Variants in SERPINB8 observed in about 807,000 individuals in gnomAD.
SERPINB8 encodes the protein serpin B8.
A neutral mutation model predicts 35.3 loss-of-function variants in SERPINB8; 25 were observed. The ratio of observed to expected loss-of-function variants is 0.71; its 90% confidence interval spans 0.52 to 0.99. The LOEUF (loss-of-function observed/expected upper bound fraction) is 0.99. Ranked by LOEUF, SERPINB8 falls within the 50% of genes least tolerant of loss-of-function variation. The probability of loss-of-function intolerance (pLI) is 0.00; values close to 1 mark genes in which losing one functional copy is unlikely to be tolerated. For missense variants in SERPINB8, 484 were observed against 446.5 expected (o/e 1.08, Z -0.76); for synonymous variants, 186 against 160.8 (o/e 1.16, Z -1.19).
chr18:64,004,177 G>A (rs1568284982), intron 1 of SERPINB8, among the ~76,000 whole-genome samples: 1 of 152,032 alleles, frequency 6.6e-6, no homozygotes, highest in East Asian at 1.9e-4. Flanking sequence ...AGACAATAGT[G>A]GTAATTTTAA....
chr18:64,004,315 T>C (rs986963731), intron 1 of SERPINB8, among the ~76,000 whole-genome samples: 11 of 151,876 alleles, frequency 7.2e-5, no homozygotes, highest in Admixed American at 3.9e-4. Flanking sequence ...ACAGGCTTGC[T>C]GAAAAGAAAA....
Position 63,979,592 on chromosome 18 carries a change from A to G in SERPINB8, c.169-209A>G, listed in dbSNP as rs140803017. ...AAGCCAGAAGTGCTGCAAAAATCCT[A>G]CAATGCTTATATGAGACAAGGAAGT... is the stretch of plus-strand genomic sequence containing the variant. On this transcript the variant is annotated intron_variant, in intron 2 of 6. Coordinates refer to ENST00000397985, the MANE Select transcript of SERPINB8 (RefSeq NM_002640.4). Among the ~76,000 whole-genome samples the G allele has an allele frequency of 3.8e-3, 574 of 152,302 alleles. 2 individuals are homozygous for G. Among genetic ancestry groups the G allele is most frequent in the South Asian group, 0.018 (87 of 4,828 alleles).
chr18:63,987,603 A>G lies in SERPINB8; in HGVS notation c.*325A>G. 1 of 163,506 alleles carries G rather than the reference A, an allele frequency of 6.1e-6. No individual in the cohort carries two copies. The highest frequency in any genetic ancestry group is 4.3e-5 in the African/African-American group (1 of 23,450). The allele number at this position is 163,506 out of a possible 1,614,324, so 10.1% of individuals were successfully genotyped here. A position where few individuals can be genotyped will look rare whatever the true frequency, so the allele number is the denominator to read the frequency against. The stretch of plus-strand genomic sequence containing the variant: ...GGGCTTCAGGAGCCAGCCCTCTTCC[A>G]TCCGCCCGGCTCTGCCCACCACCAC... On this transcript the variant is annotated 3_prime_UTR_variant, in exon 7 of 7. Transcript: ENST00000397985.
chr18:64,013,126 T>C (rs191991372), intron 7 of SERPINB8, among the ~76,000 whole-genome samples: 1 of 152,280 alleles, frequency 6.6e-6, no homozygotes, highest in Non-Finnish European at 1.5e-5. Context: ...GGTTGCCGAT[T>C]ACTCTGCCAA....
intron 1 of SERPINB8, among the ~76,000 whole-genome samples, chr18:63,976,843 C>T (rs566506415): frequency 3.7e-4 from 56 of 152,172 alleles, no homozygotes; most frequent in African/African-American, 1.1e-3. Context: ...TTTGCAACTC[C>T]GTAACCCAGT....
intron 2 of SERPINB8, among the ~76,000 whole-genome samples, 168 bp from the exon 3 acceptor site, chr18:63,979,633 G>A (rs1478166138): frequency 3.3e-5 from 5 of 152,230 alleles, no homozygotes; most frequent in Admixed American, 3.3e-4. Flanking sequence ...GGCCCCAAAT[G>A]TCAATGCTGC....
rs1441249734 is a variant in SERPINB8, at chr18:63,988,585, T to C, written c.*1307T>C. ...TTACACTGGTTTGTACTCTCACTTATGTCACTGTTTATACCACCACTGACT... is the reference window on the plus strand; with the variant it reads ...TTACACTGGTTTGTACTCTCACTTACGTCACTGTTTATACCACCACTGACT... On this transcript the variant is annotated 3_prime_UTR_variant, in exon 7 of 7. Coordinates refer to ENST00000397985, the MANE Select transcript of SERPINB8 (RefSeq NM_002640.4). 4 of 152,238 alleles carry C rather than the reference T, an allele frequency of 2.6e-5. No homozygotes were observed. Among genetic ancestry groups the C allele is most frequent in the Admixed American group, 2.6e-4 (4 of 15,288 alleles). The allele number at this position is 152,238 out of a possible 1,614,324, so 9.4% of individuals were successfully genotyped here.
At chr18:63,974,906 C>T (rs1056937754) in intron 1 of SERPINB8, among the ~76,000 whole-genome samples, 2 of 151,948 alleles carry the variant, frequency 1.3e-5, no homozygotes, top group African/African-American at 4.8e-5. Context: ...TGGGAAATAC[C>T]ACATACTGAC....
At chr18:63,972,979 G>T (rs2050515607) in intron 1 of SERPINB8, among the ~76,000 whole-genome samples, 1 of 152,222 alleles carries the variant, frequency 6.6e-6, no homozygotes, top group Admixed American at 6.5e-5. Context: ...GTAGTAGCAT[G>T]ATTTATAATC....
chr18:64,012,308 T>C (rs550830857), intron 7 of SERPINB8, among the ~76,000 whole-genome samples: 1 of 152,276 alleles, frequency 6.6e-6, no homozygotes, highest in African/African-American at 2.4e-5. Context: ...GATGAGGTCA[T>C]TTTAGCATTT....
downstream of SERPINB8, among the ~76,000 whole-genome samples, chr18:64,008,262 A>G (rs974840169): frequency 8.5e-5 from 13 of 152,252 alleles, no homozygotes; most frequent in Non-Finnish European, 1.5e-4. Context: ...TATTTTTTTG[A>G]CACAGAGTCT....
At chr18:63,991,166 A>G (rs2050823273), downstream of SERPINB8, among the ~76,000 whole-genome samples, 1 of 152,218 alleles carries the variant, frequency 6.6e-6, no homozygotes, top group Non-Finnish European at 1.5e-5. Context: ...TAAGTTTTCC[A>G]ACTTTATTTT....
At chr18:64,011,790 C>T (rs2050927082) in intron 7 of SERPINB8, among the ~76,000 whole-genome samples, 2 of 152,264 alleles carry the variant, frequency 1.3e-5, no homozygotes, top group African/African-American at 4.8e-5. Flanking sequence ...TTACTGTTTT[C>T]TTGCAAAGCA....
downstream of SERPINB8, among the ~76,000 whole-genome samples, chr18:63,992,415 TTTTTC>T (rs2050829295): frequency 1.3e-5 from 2 of 152,206 alleles, no homozygotes; most frequent in African/African-American, 4.8e-5. Context: ...TAGTCTCTTA[TTTTTC>T]TTTTAATAGC....
chr18:64,011,370 G>T (rs774815206), intron 7 of SERPINB8, among the ~76,000 whole-genome samples: 1 of 152,094 alleles, frequency 6.6e-6, no homozygotes, highest in Non-Finnish European at 1.5e-5. Flanking sequence ...GTATAGAAAA[G>T]GGTATGATTC....
rs2050795514 is a variant in SERPINB8 at position 63,988,524 on chromosome 18, C to T, written c.*1246C>T. On this transcript the variant is annotated 3_prime_UTR_variant, in exon 7 of 7. Transcript: ENST00000397985. ...GTACTGTTGAGATAAAAGTTGAGCA[C>T]ATTTTGAGACTTCTTCCAAATTGGT... 1 of 152,160 alleles carries T rather than the reference C, an allele frequency of 6.6e-6. No individual in the cohort carries two copies. The highest frequency in any genetic ancestry group is 6.5e-5 in the Admixed American group (1 of 15,288). 9.4% of individuals were successfully genotyped at this position (152,160 alleles called of 1,614,324 possible).
In SERPINB8 at chr18:64,013,439, T is replaced by C. The variant is rs2050935197; in HGVS notation, c.*3-5471T>C. Among the ~76,000 whole-genome samples, 9 of 152,308 alleles carry C rather than the reference T, an allele frequency of 5.9e-5. No individual in the cohort carries two copies. The South Asian group carries it at 1.5e-3, about 25-fold the overall frequency. On this transcript the variant is annotated intron_variant, in intron 7 of 7. Transcript: ENST00000636430. ...CTCCAATTTTCTTTGGTATGTTTCC[T>C]TTTCCATTCTTACAGTCATTACAAT...
At position 63,988,947 on chromosome 18, in the gene SERPINB8, A is replaced by T. The variant is rs1409280064; in HGVS notation, c.*1669A>T. 1 of 152,216 alleles carries T rather than the reference A, an allele frequency of 6.6e-6. No individual in the cohort carries two copies. The highest frequency in any genetic ancestry group is 1.5e-5 in the Non-Finnish European group (1 of 68,040). The allele number at this position is 152,216 out of a possible 1,614,324, so 9.4% of individuals were successfully genotyped here. A position where few individuals can be genotyped will look rare whatever the true frequency, so the allele number is the denominator to read the frequency against. On this transcript the variant is annotated 3_prime_UTR_variant, in exon 7 of 7. Transcript: ENST00000397985. ...TTCTGACACATTTTCCATGAAACAAACCATCGCTATATTCAAGATAATGAA... is the reference window on the plus strand; with the variant it reads ...TTCTGACACATTTTCCATGAAACAATCCATCGCTATATTCAAGATAATGAA...
intron 1 of SERPINB8, among the ~76,000 whole-genome samples, chr18:63,971,278 T>C (rs918382738): frequency 6.6e-6 from 1 of 152,220 alleles, no homozygotes; most frequent in African/African-American, 2.4e-5. Flanking sequence ...ATGTTCTGTG[T>C]AGTTTCATCC....
Sources: allele counts gnomAD v4.1 joint callset (sites outside exome capture counted in the v4.1 genomes callset), GRCh38; gene constraint gnomAD v4.1.1; transcripts MANE v1.5; gene names NCBI Gene and HGNC (gene_info 2026-07-23, HGNC 2026-07-21).